CKS2: variants seen among roughly 807,000 people sequenced by gnomAD.
CKS2 encodes the protein cyclin-dependent kinases regulatory subunit 2.
CKS2 carries 4 observed loss-of-function variants against 14.3 expected under a neutral mutation model. The ratio of observed to expected loss-of-function variants is 0.28; its 90% CI spans 0.14 to 0.64. The LOEUF (loss-of-function observed/expected upper bound fraction) is 0.64, where lower values mean the gene tolerates loss of function less well. Ranked by LOEUF, CKS2 falls within the 30% of genes least tolerant of loss-of-function variation. The pLI, the probability that CKS2 is intolerant of heterozygous loss-of-function variation, is 0.83. For missense variants in CKS2, 71 were observed against 94.3 expected (o/e 0.75, Z 1.02); for synonymous variants, 33 against 28.7 (o/e 1.15, Z -0.48).
rs1052637276 is a variant in CKS2, at chr9:89,311,312, A to G, written c.20A>G (p.Tyr7Cys). The G allele has an allele frequency of 6.2e-7, 1 of 1,610,602 alleles. No homozygotes were observed. The highest frequency in any genetic ancestry group is 8.5e-7 in the Non-Finnish European group (1 of 1,178,738). MAHKQI[Y>C]YSDKYFDEHY... ...AGCAGGATGGCCCACAAGCAGATCT[A>G]CTACTCGGACAAGTACTTCGACGAA... The change falls in exon 1 of 3, where the codon TAC (tyrosine) becomes TGC (cysteine). Residue 7 changes from tyrosine (Y) to cysteine (C), a missense_variant. Coordinates refer to ENST00000314355, the MANE Select transcript of CKS2 (RefSeq NM_001827.3).
Position 89,315,365 on chromosome 9 carries a change from T to A in CKS2, c.187+68T>A. On this transcript the variant is annotated intron_variant, in intron 2 of 2. Coordinates refer to ENST00000314355, the MANE Select transcript of CKS2 (RefSeq NM_001827.3). ...ATTGGTGGTTATGGTTGTCAAAATT[T>A]TAAAAATATCATTGACATCAAATGA... is the stretch of plus-strand genomic sequence containing the variant. The A allele has an allele frequency of 4.4e-6, 6 of 1,354,918 alleles. No homozygotes were observed. The South Asian group carries it at 1.0e-4, about 24-fold the overall frequency. 83.9% of individuals were successfully genotyped at this position (1,354,918 alleles called of 1,614,324 possible).
chr9:89,313,865 A>C (rs1437592115), intron 1 of CKS2, among the ~76,000 whole-genome samples: 2 of 152,230 alleles, frequency 1.3e-5, no homozygotes, highest in Admixed American at 1.3e-4. Context: ...ATTGATGAAA[A>C]CTCTACAAAT....
chr9:89,312,076 T>A (rs1180379957), intron 1 of CKS2: 2 of 152,636 alleles, frequency 1.3e-5, no homozygotes, highest in African/African-American at 4.8e-5. Flanking sequence ...AGGAGTTTCA[T>A]TTTAAGGCCG....
At chr9:89,313,250 C>G (rs992963573) in intron 1 of CKS2, among the ~76,000 whole-genome samples, 1 of 152,174 alleles carries the variant, frequency 6.6e-6, no homozygotes, top group Non-Finnish European at 1.5e-5. Flanking sequence ...TTATTTTTCC[C>G]AGTGTGCAGT....
rs548983921 is a variant in CKS2, at chr9:89,311,262, C to T, written c.-31C>T. 1.2e-6 allele frequency: 2 copies of T among 1,602,284 alleles called. No homozygotes were observed. The highest frequency in any genetic ancestry group is 2.7e-5 in the African/African-American group (2 of 74,476). On this transcript the variant is annotated 5_prime_UTR_variant, in exon 1 of 3. Transcript: ENST00000314355. ...GTCTGCTGCGCCCGCTCTTCGCGCT[C>T]TCGTTTCATTTTCTGCAGCGCGCCA...
chr9:89,314,347 A>G (rs933287175), intron 1 of CKS2, among the ~76,000 whole-genome samples: 5 of 152,212 alleles, frequency 3.3e-5, no homozygotes, highest in African/African-American at 7.2e-5. Flanking sequence ...TAAGGCTACA[A>G]TTATACATAT....
chr9:89,315,053 T>TA, intron 1 of CKS2, 117 bp from the exon 2 acceptor site: 2 of 784,096 alleles, frequency 2.6e-6, no homozygotes, highest in Non-Finnish European at 3.8e-6. Flanking sequence ...ATATCAGAAT[T>TA]AAAGGTAGTA....
At chr9:89,316,264 A>T in intron 2 of CKS2, 109 bp from the exon 3 acceptor site, 1 of 717,588 alleles carries the variant, frequency 1.4e-6, no homozygotes, top group Non-Finnish European at 2.4e-6. Flanking sequence ...CAAACCAATT[A>T]ATAGTGGACT....
chr9:89,312,124 C>T (rs1398361706), intron 1 of CKS2: 1 of 153,720 alleles, frequency 6.5e-6, no homozygotes, highest in African/African-American at 2.4e-5. Context: ...TCATTTTCTG[C>T]TAGTATACAC....
Position 89,316,481 on chromosome 9 carries a change from G to A in CKS2, c.*56G>A, listed in dbSNP as rs938924597. 9.3e-7 allele frequency: 1 copy of A among 1,073,106 alleles called. No homozygotes were observed. The highest frequency in any genetic ancestry group is 1.4e-6 in the Non-Finnish European group (1 of 709,014). The allele number at this position is 1,073,106 out of a possible 1,614,324, so 66.5% of individuals were successfully genotyped here. A position where few individuals can be genotyped will look rare whatever the true frequency, so the allele number is the denominator to read the frequency against. On this transcript the variant is annotated 3_prime_UTR_variant, in exon 3 of 3. Transcript: ENST00000314355. ...AAATTTAATGTATATGTGTATATAA[G>A]GTAGTATTCAGTGAATACTTGAGAA...
At position 89,316,390 on chromosome 9, in the gene CKS2, T is replaced by C; in HGVS notation, c.205T>C (p.Phe69Leu). ...IHEPEPHILL[F>L]RRPLPKDQQK ...TTCCACAGAACCACATATTCTTCTCTTTAGACGACCTCTTCCAAAAGATCA... is the reference window on the plus strand; with the variant it reads ...TTCCACAGAACCACATATTCTTCTCCTTAGACGACCTCTTCCAAAAGATCA... Residue 69 changes from phenylalanine (F) to leucine (L), a missense_variant, in exon 3 of 3, where the codon TTT (phenylalanine) becomes CTT (leucine). Phe to Leu is a conservative substitution (Grantham distance 22). Transcript: ENST00000314355. 6.3e-7 allele frequency: 1 copy of C among 1,595,312 alleles called. No individual in the cohort carries two copies.
chr9:89,311,900 A>T (rs1342314401), intron 1 of CKS2, among the ~76,000 whole-genome samples: 2 of 152,166 alleles, frequency 1.3e-5, no homozygotes, highest in Non-Finnish European at 2.9e-5. Flanking sequence ...GTTAACACAG[A>T]GGAACACTTT....
At position 89,312,243 on chromosome 9, in the gene CKS2, C is replaced by T. The variant is rs563642585; in HGVS notation, c.59+892C>T. 1.0e-4 allele frequency: 16 copies of T among 154,536 alleles called. No individual in the cohort carries two copies. The East Asian group carries it at 2.9e-3, about 28-fold the overall frequency. 9.6% of individuals were successfully genotyped at this position (154,536 alleles called of 1,614,324 possible). ...AAAATTAGACAAATTTTAAATGTCCCTGTCCCCTTCCCCCCAATTAAAGTA... is the reference window on the plus strand; with the variant it reads ...AAAATTAGACAAATTTTAAATGTCCTTGTCCCCTTCCCCCCAATTAAAGTA... On this transcript the variant is annotated intron_variant, in intron 1 of 2. Transcript: ENST00000314355.
In CKS2 at chr9:89,311,232, G is replaced by C; in HGVS notation, c.-61G>C. 1.4e-6 allele frequency: 2 copies of C among 1,458,588 alleles called. No homozygotes were observed. Among genetic ancestry groups the C allele is most frequent in the Non-Finnish European group, 1.9e-6 (2 of 1,046,580 alleles). The allele number at this position is 1,458,588 out of a possible 1,614,324, so 90.4% of individuals were successfully genotyped here. On this transcript the variant is annotated 5_prime_UTR_variant, in exon 1 of 3. Coordinates refer to ENST00000314355, the MANE Select transcript of CKS2 (RefSeq NM_001827.3). ...CGAGTTGTTGCCTGGGCTGGACGTG[G>C]TTTTGTCTGCTGCGCCCGCTCTTCG... is the stretch of plus-strand genomic sequence containing the variant.
intron 1 of CKS2, among the ~76,000 whole-genome samples, chr9:89,314,472 T>C (rs1240593225): frequency 6.6e-6 from 1 of 152,236 alleles, no homozygotes; most frequent in Admixed American, 6.5e-5. Flanking sequence ...ACAATGTGTA[T>C]GTACAGTTAG....
At chr9:89,311,395 G>GC in intron 1 of CKS2, 44 bp downstream of exon 1, 1 of 1,528,194 alleles carries the variant, frequency 6.5e-7, no homozygotes. Flanking sequence ...CTCAGCCGGG[G>GC]CCCCCGCGGG....
rs1422794619 is a variant in CKS2, at chr9:89,311,232, G to A, written c.-61G>A. Reference sequence around the variant, plus strand: ...CGAGTTGTTGCCTGGGCTGGACGTGGTTTTGTCTGCTGCGCCCGCTCTTCG... The same window carrying A: ...CGAGTTGTTGCCTGGGCTGGACGTGATTTTGTCTGCTGCGCCCGCTCTTCG... On this transcript the variant is annotated 5_prime_UTR_variant, in exon 1 of 3. Transcript: ENST00000314355. 1.7e-5 allele frequency: 25 copies of A among 1,458,470 alleles called. No homozygotes were observed. The highest frequency in any genetic ancestry group is 2.3e-5 in the Non-Finnish European group (24 of 1,046,588). The allele number at this position is 1,458,470 out of a possible 1,614,324, so 90.3% of individuals were successfully genotyped here. A position where few individuals can be genotyped will look rare whatever the true frequency, so the allele number is the denominator to read the frequency against.
At chr9:89,312,159 A>G (rs1372347691) in intron 1 of CKS2, 2 of 154,380 alleles carry the variant, frequency 1.3e-5, no homozygotes, top group Admixed American at 6.5e-5. Flanking sequence ...GCTTTGAGAA[A>G]CTTTTGCGTT....
At chr9:89,313,811 A>G (rs548085910) in intron 1 of CKS2, among the ~76,000 whole-genome samples, 32 of 152,274 alleles carry the variant, frequency 2.1e-4, no homozygotes, top group Non-Finnish European at 4.4e-4. Context: ...AATGTGGGTG[A>G]TAACTGGTAA....
Sources: gnomAD v4.1 joint callset for allele counts (sites outside exome capture counted in the v4.1 genomes callset) on GRCh38, gnomAD v4.1.1 for gene constraint, MANE v1.5 for transcripts, NCBI Gene and HGNC (gene_info 2026-07-23, HGNC 2026-07-21) for gene names.